The following CA5B variants were observed in gnomAD, a reference collection of about 807,000 sequenced individuals.
CA5B encodes carbonic anhydrase 5B, also known as carbonic anhydrase 5B, mitochondrial.
CA5B carries 15 observed loss-of-function variants against 23.1 expected under a neutral mutation model. The ratio of observed to expected loss-of-function variants is 0.65; its 90% confidence interval spans 0.43 to 1.00. The LOEUF (loss-of-function observed/expected upper bound fraction) is 1.00, where lower values mean the gene tolerates loss of function less well. CA5B is among the 50% of genes least tolerant of loss of function. The pLI, the probability that CA5B is intolerant of heterozygous loss-of-function variation, is 0.00. For synonymous variants in CA5B, 84 were observed against 98.5 expected (o/e 0.85, Z 0.87); for missense variants, 236 against 252.2 (o/e 0.94, Z 0.43).
chrX:15,764,481 C>A, intron 2 of CA5B, 97 bp from the exon 3 acceptor site: 1 of 1,151,014 alleles, frequency 8.7e-7, no homozygotes, highest in Non-Finnish European at 1.2e-6. Context: ...CTCAAGTGAT[C>A]CACCCGCCTT....
intron 1 of CA5B, among the ~76,000 whole-genome samples, chrX:15,742,359 T>G (rs1334508475): frequency 1.1e-5 from 1 of 94,010 alleles, no homozygotes; most frequent in African/African-American, 3.9e-5. Flanking sequence ...TGCTGTGATG[T>G]TTTTCTGTTT....
chrX:15,742,129 G>A (rs1476128440), intron 1 of CA5B, among the ~76,000 whole-genome samples: 1 of 112,166 alleles, frequency 8.9e-6, no homozygotes, highest in Non-Finnish European at 1.9e-5. Context: ...TGTAGACCAA[G>A]AATCTTCCAG....
At chrX:15,772,365 A>G (rs1399775715) in intron 3 of CA5B, 131 bp from the exon 4 acceptor site, 3 of 407,479 alleles carry the variant, frequency 7.4e-6, no homozygotes, top group Non-Finnish European at 1.3e-5. Flanking sequence ...ATTTATAATC[A>G]CTTGTATATA....
chrX:15,776,114 G>A lies in CA5B; in HGVS notation c.619-600G>A, dbSNP rs760560032. 6.5e-3 allele frequency: 2,894 copies of A among 445,039 alleles called. 12 individuals carry two copies. The highest frequency in any genetic ancestry group is 7.7e-3 in the Non-Finnish European group (2,763 of 359,379). The allele number at this position is 445,039 out of a possible 1,213,427, so 36.7% of individuals were successfully genotyped here. On this transcript the variant is annotated intron_variant, in intron 6 of 7. Transcript: ENST00000318636. ...AGCACTTTGGGAGGCCGAGGCTGGCGGATCACGAGGTCAGGAGATCGAGAC... is the reference window on the plus strand; with the variant it reads ...AGCACTTTGGGAGGCCGAGGCTGGCAGATCACGAGGTCAGGAGATCGAGAC...
chrX:15,772,123 AAAAG>A (rs1224183749), intron 3 of CA5B, among the ~76,000 whole-genome samples: 2 of 112,370 alleles, frequency 1.8e-5, no homozygotes, highest in African/African-American at 6.5e-5. Flanking sequence ...TGTGCATAAA[AAAAG>A]AAAGATCCTT....
At chrX:15,746,171 G>A (rs963398967) in intron 1 of CA5B, among the ~76,000 whole-genome samples, 4 of 108,222 alleles carry the variant, frequency 3.7e-5, no homozygotes, top group Non-Finnish European at 7.6e-5. Flanking sequence ...TCAGCCTCCT[G>A]AGTAGCTGGG....
chrX:15,744,383 T>C (rs1368236209), intron 1 of CA5B, among the ~76,000 whole-genome samples: 2 of 112,687 alleles, frequency 1.8e-5, no homozygotes, highest in African/African-American at 6.4e-5. Flanking sequence ...CTTGGCCTCA[T>C]GTGTGTTCAC....
At chrX:15,761,526 A>T (rs1354975465) in intron 2 of CA5B, among the ~76,000 whole-genome samples, 3 of 112,685 alleles carry the variant, frequency 2.7e-5, no homozygotes, top group Non-Finnish European at 5.6e-5. Flanking sequence ...TGTTCTTCAC[A>T]AGTTGTTTTA....
At chrX:15,764,997 CTCTA>C in intron 3 of CA5B, 1 of 430,334 alleles carries the variant, frequency 2.3e-6, no homozygotes, top group Non-Finnish European at 3.9e-6. Context: ...ATAAATATAT[CTCTA>C]TCTCTCTATG....
In CA5B at chrX:15,776,727, A is replaced by G. The variant is rs760765465; in HGVS notation, c.632A>G (p.Glu211Gly). 1.2e-5 allele frequency: 15 copies of G among 1,207,574 alleles called. No individual in the cohort carries two copies. Among genetic ancestry groups the G allele is most frequent in the Admixed American group, 4.4e-5 (2 of 45,675 alleles). Reference sequence around the variant, plus strand: ...TCTCTTGGCCAGGACGCCCTTGTGGAATTTGGGTCATTTGACCCTTCCTGC... The same window carrying G: ...TCTCTTGGCCAGGACGCCCTTGTGGGATTTGGGTCATTTGACCCTTCCTGC... ...PSIKHKDALV[E>G]FGSFDPSCLM... Residue 211 changes from glutamate (E) to glycine (G), a missense_variant, in exon 7 of 8, where the codon GAA becomes GGA. Physicochemically the swap from Glu to Gly is moderately conservative, Grantham distance 98. Transcript: ENST00000318636.
intron 2 of CA5B, chrX:15,762,937 A>C (rs1931634331): frequency 3.0e-6 from 1 of 338,044 alleles, no homozygotes; most frequent in African/African-American, 2.7e-5. Context: ...CTTATCAGGG[A>C]CTTGCTACAG....
intron 3 of CA5B, among the ~76,000 whole-genome samples, chrX:15,771,370 C>CA (rs11290495): frequency 5.0e-4 from 44 of 88,294 alleles, no homozygotes; most frequent in African/African-American, 1.4e-3. Context: ...GACCCTGTTT[C>CA]AAAAAAAAAA....
intron 2 of CA5B, among the ~76,000 whole-genome samples, chrX:15,755,592 C>T (rs1246007587): frequency 1.8e-5 from 2 of 112,049 alleles, no homozygotes; most frequent in African/African-American, 3.2e-5. Flanking sequence ...CAATGCTTTC[C>T]GGTAGATAAA....
chrX:15,750,673 C>G (rs1931338974), intron 2 of CA5B, among the ~76,000 whole-genome samples: 1 of 111,946 alleles, frequency 8.9e-6, no homozygotes, highest in Non-Finnish European at 1.9e-5. Flanking sequence ...ATATTCTGTC[C>G]TGAGTTAGGA....
chrX:15,765,913 T>C (rs1433852287), intron 3 of CA5B, among the ~76,000 whole-genome samples: 1 of 110,030 alleles, frequency 9.1e-6, no homozygotes, highest in African/African-American at 3.3e-5. Flanking sequence ...TCTCAGCATT[T>C]TGGGAGGCCG....
Position 15,776,862 on chromosome X carries a change from A to C in CA5B, c.767A>C (p.His256Pro). ...AAGAAGCAACCAGTAGAGGTTGATC[A>C]TGATCAGGTATGTTCTCTCCATAAT... Reference protein sequence around the residue: ...IIKKQPVEVDHDQLEQFRTLL... With the variant: ...IIKKQPVEVDPDQLEQFRTLL... The change falls in exon 7 of 8, where the codon CAT becomes CCT. Residue 256 changes from histidine to proline, a missense_variant. Transcript: ENST00000318636. 8.3e-7 allele frequency: 1 copy of C among 1,203,624 alleles called. No individual in the cohort carries two copies.
intron 7 of CA5B, among the ~76,000 whole-genome samples, chrX:15,777,074 A>G (rs1340367517): frequency 8.9e-6 from 1 of 112,606 alleles, no homozygotes; most frequent in Non-Finnish European, 1.9e-5. Context: ...ACAGAAGAAC[A>G]TAAGTTTTTT....
chrX:15,752,904 T>C (rs1931405437), intron 2 of CA5B, among the ~76,000 whole-genome samples: 1 of 111,228 alleles, frequency 9.0e-6, no homozygotes, highest in Non-Finnish European at 1.9e-5. Context: ...ACCTGAACAT[T>C]CCCTTTCTAC....
At chrX:15,768,024 G>C (rs940138051) in intron 3 of CA5B, among the ~76,000 whole-genome samples, 7 of 105,926 alleles carry the variant, frequency 6.6e-5, no homozygotes, top group Non-Finnish European at 1.2e-4. Flanking sequence ...TCAGCCTCCT[G>C]AGTAGCTGGG....
Sources: gnomAD v4.1 joint callset for allele counts (sites outside exome capture counted in the v4.1 genomes callset) on GRCh38, gnomAD v4.1.1 for gene constraint, MANE v1.5 for transcripts, NCBI Gene and HGNC (gene_info 2026-07-23, HGNC 2026-07-21) for gene names.